Variants in ABCC1 observed in about 807,000 individuals in gnomAD.
ABCC1 encodes multidrug resistance-associated protein 1.
Under a neutral mutation model 172.9 loss-of-function variants are expected in ABCC1, and 83 were observed. That is an observed-to-expected ratio of 0.48 (90% CI 0.40 to 0.58). ABCC1 has a LOEUF of 0.58. Ranked by LOEUF, ABCC1 falls within the 20% of genes least tolerant of loss-of-function variation. The pLI, the probability that ABCC1 is intolerant of heterozygous loss-of-function variation, is 0.00. For missense variants in ABCC1, 1,817 were observed against 2,002.7 expected (o/e 0.91, Z 1.77); for synonymous variants, 937 against 825.2 (o/e 1.14, Z -2.32).
chr16:16,137,970 G>T lies in ABCC1; in HGVS notation c.4293-394G>T, dbSNP rs74329140. 4.6e-5 allele frequency among the ~76,000 whole-genome samples: 7 copies of T among 151,780 alleles called. No individual in the cohort carries two copies. In the East Asian group the frequency reaches 5.8e-4, roughly 13 times the overall value. On this transcript the variant is annotated intron_variant, in intron 29 of 30. Transcript: ENST00000399410. The stretch of plus-strand genomic sequence containing the variant: ...CCTGGACTCAAGCAATCCTGCCTCA[G>T]CCTCCCAGTAACTGGGACTACAAGA...
At chr16:16,103,490 G>T (rs1052602426) in intron 20 of ABCC1, among the ~76,000 whole-genome samples, 3 of 152,170 alleles carry the variant, frequency 2.0e-5, no homozygotes, top group African/African-American at 7.2e-5. Context: ...TGAGGCACGA[G>T]AATCGCTTGA....
chr16:16,064,797 C>T (rs991968618), intron 12 of ABCC1, among the ~76,000 whole-genome samples: 13 of 152,314 alleles, frequency 8.5e-5, no homozygotes, highest in African/African-American at 2.6e-4. Context: ...GACAATACAG[C>T]AGTGCATACT....
At position 16,124,411 on chromosome 16, in the gene ABCC1, A is replaced by ATG. The variant is rs980164516; in HGVS notation, c.3591-365_3591-364dup. ...TGTGTGTGTGTGTGTGTGTGTGTGT[A>ATG]TGTGTGTGTGTGTGATTATAGGAGT... On this transcript the variant is annotated intron_variant, in intron 24 of 30. Transcript: ENST00000399410. Among the ~76,000 whole-genome samples, 93 of 55,694 alleles carry ATG rather than the reference A, an allele frequency of 1.7e-3. 1 individual carries two copies. Among genetic ancestry groups the ATG allele is most frequent in the African/African-American group, 5.8e-3 (92 of 15,962 alleles). The allele number at this position is 55,694 out of a possible 152,430, so 36.5% of individuals were successfully genotyped here.
At chr16:16,076,428 T>C (rs749156076) in intron 15 of ABCC1, 27 bp downstream of exon 15, 1 of 1,575,582 alleles carries the variant, frequency 6.3e-7, no homozygotes, top group Non-Finnish European at 8.6e-7. Context: ...ACACACGTGA[T>C]GGTGTGGAGA....
chr16:16,068,025 C>G (rs569230223), intron 12 of ABCC1, 131 bp from the exon 13 acceptor site: 2 of 1,006,512 alleles, frequency 2.0e-6, no homozygotes, highest in African/African-American at 3.2e-5. Context: ...GGTTTTTCCA[C>G]GAGCTCCAGC....
intron 1 of ABCC1, among the ~76,000 whole-genome samples, chr16:15,985,227 G>A (rs2046716698): frequency 6.6e-6 from 1 of 152,214 alleles, no homozygotes; most frequent in Non-Finnish European, 1.5e-5. Context: ...TGTGGATGTA[G>A]CGGGTATTTC....
chr16:15,992,691 G>A (rs574365602), intron 1 of ABCC1, among the ~76,000 whole-genome samples: 1 of 152,208 alleles, frequency 6.6e-6, no homozygotes. Flanking sequence ...GTGAGCCACT[G>A]TGCCTGGCCA....
rs371688306 is a variant in ABCC1, at chr16:16,044,426, C to T, written c.810-24C>T. Reference sequence around the variant, plus strand: ...GCTGCATCTCTGGCAGACCCCACAACGGCTTCACCTCCTTGTGTTCCAGGC... The same window carrying T: ...GCTGCATCTCTGGCAGACCCCACAATGGCTTCACCTCCTTGTGTTCCAGGC... On this transcript the variant is annotated intron_variant, in intron 7 of 30. Transcript: ENST00000399410. The T allele has an allele frequency of 4.4e-5, 70 of 1,603,198 alleles. 1 individual carries two copies. The South Asian group carries it at 5.1e-4, about 12-fold the overall frequency.
chr16:16,055,971 A>G, intron 11 of ABCC1, 121 bp from the exon 12 acceptor site: 2 of 891,404 alleles, frequency 2.2e-6, no homozygotes, highest in Non-Finnish European at 3.3e-6. Context: ...AAAAATCAAT[A>G]TAAAAAACAT....
chr16:16,117,145 G>A (rs1455771383), intron 23 of ABCC1, among the ~76,000 whole-genome samples: 1 of 152,192 alleles, frequency 6.6e-6, no homozygotes, highest in East Asian at 1.9e-4. Context: ...ATACTGCTAT[G>A]AAGAAATACC....
intron 21 of ABCC1, among the ~76,000 whole-genome samples, chr16:16,110,923 C>T (rs1330351832): frequency 3.3e-5 from 5 of 151,592 alleles, no homozygotes; most frequent in Admixed American, 6.6e-5. Flanking sequence ...TTTTTTGAGA[C>T]GGAGTCTCAC....
At chr16:16,043,076 T>G (rs2049039905) in intron 7 of ABCC1, among the ~76,000 whole-genome samples, 1 of 151,642 alleles carries the variant, frequency 6.6e-6, no homozygotes, top group Non-Finnish European at 1.5e-5. Flanking sequence ...TTGGTCAGGG[T>G]GTTCTCAAAC....
intron 10 of ABCC1, among the ~76,000 whole-genome samples, chr16:16,050,816 T>C (rs2151898274): frequency 6.6e-6 from 1 of 151,806 alleles, no homozygotes; most frequent in East Asian, 1.9e-4. Context: ...GGCAGGAGGA[T>C]TGCTTGAGCC....
intron 19 of ABCC1, among the ~76,000 whole-genome samples, chr16:16,094,892 A>G (rs1287846160): frequency 7.5e-6 from 1 of 133,212 alleles, no homozygotes; most frequent in Non-Finnish European, 1.5e-5. Flanking sequence ...ATCTTGGCTC[A>G]CTGCAGCCTC....
intron 26 of ABCC1, among the ~76,000 whole-genome samples, chr16:16,131,534 G>T (rs1002949476): frequency 6.6e-6 from 1 of 152,222 alleles, no homozygotes; most frequent in Non-Finnish European, 1.5e-5. Context: ...GGGACAGGCA[G>T]TGCCCTGAAG....
intron 1 of ABCC1, among the ~76,000 whole-genome samples, chr16:15,961,900 C>T (rs2046142760): frequency 6.6e-6 from 1 of 151,794 alleles, no homozygotes; most frequent in South Asian, 2.1e-4. Flanking sequence ...CTGTGATAAG[C>T]AGTGCTGCAC....
Position 16,016,563 on chromosome 16 carries a change from T to C in ABCC1, c.557T>C (p.Leu186Pro), listed in dbSNP as rs748205302. 2 of 1,614,192 alleles carry C rather than the reference T, an allele frequency of 1.2e-6. No individual in the cohort carries two copies. The highest frequency in any genetic ancestry group is 1.1e-5 in the South Asian group (1 of 91,080). The change falls in exon 5 of 31, where the codon CTC (leucine) becomes CCC (proline). Residue 186 changes from leucine (L) to proline (P), a missense_variant. Leu to Pro is a moderately conservative substitution (Grantham distance 98). Around this residue, in one of 3 missense-constraint regions of ABCC1, gnomAD observed 398 missense variants for 384.2 expected, o/e 1.04. Coordinates refer to ENST00000399410, the MANE Select transcript of ABCC1 (RefSeq NM_004996.4). ...TACTTTTCCCTCTTACTCATTCAGC[T>C]CGTCTTGTCCTGTTTCTCAGATCGC... Reference protein sequence around the residue: ...YVYFSLLLIQLVLSCFSDRSP... With the variant: ...YVYFSLLLIQPVLSCFSDRSP...
At chr16:15,957,511 G>A (rs892058251) in intron 1 of ABCC1, among the ~76,000 whole-genome samples, 1 of 152,162 alleles carries the variant, frequency 6.6e-6, no homozygotes, top group African/African-American at 2.4e-5. Context: ...TTTGAGGTAT[G>A]AGTTCCAAGC....
rs145164593 is a variant in ABCC1 at position 16,030,138 on chromosome 16, T to G, written c.616-2971T>G. ...AAGGTGGAGAAAATACTTGTTTCTT[T>G]CCGCTTTTTCTGCGTTCAAACAATG... On this transcript the variant is annotated intron_variant, in intron 5 of 30. Transcript: ENST00000399410. Among the ~76,000 whole-genome samples, 112 of 152,340 alleles carry G rather than the reference T, an allele frequency of 7.4e-4. 3 individuals are homozygous for G. In the East Asian group the frequency reaches 0.02, roughly 28 times the overall value.
Sources: gnomAD v4.1 joint callset for allele counts (sites outside exome capture counted in the v4.1 genomes callset) on GRCh38, gnomAD v4.1.1 for gene constraint, gnomAD v4.1.1 regional missense constraint, MANE v1.5 for transcripts, NCBI Gene and HGNC (gene_info 2026-07-23, HGNC 2026-07-21) for gene names.